Variants in ADAMTSL3 observed in about 807,000 individuals in gnomAD.
ADAMTSL3 encodes ADAMTS like 3, also known as ADAMTS-like protein 3.
ADAMTSL3 carries 128 observed loss-of-function variants against 201.7 expected under a neutral mutation model. The observed-to-expected ratio is 0.63, with a 90% CI of 0.55 to 0.73. The LOEUF (loss-of-function observed/expected upper bound fraction) is 0.73, where lower values mean the gene tolerates loss of function less well. Among genes scored for constraint, ADAMTSL3 ranks in the 30% least tolerant of loss-of-function variants. The pLI, the probability that ADAMTSL3 is intolerant of heterozygous loss-of-function variation, is 0.00. For missense variants in ADAMTSL3, 1,990 were observed against 2,119.6 expected, an observed-to-expected ratio of 0.94 and a Z score of 1.20; for synonymous variants, 738 against 748.4, an observed-to-expected ratio of 0.99 and a Z score of 0.23.
intron 2 of ADAMTSL3, among the ~76,000 whole-genome samples, chr15:83,674,772 T>TACACATATATAC (rs1037094872): frequency 3.1e-5 from 4 of 128,352 alleles, no homozygotes; most frequent in African/African-American, 1.1e-4. Context: ...TATACATATA[T>TACACATATATAC]ATATATATAT....
intron 3 of ADAMTSL3, among the ~76,000 whole-genome samples, chr15:83,770,011 TTAAGG>T (rs952356680): frequency 3.9e-5 from 6 of 152,090 alleles, no homozygotes; most frequent in African/African-American, 1.4e-4. Flanking sequence ...TTGTTTTTAA[TTAAGG>T]TATGATGTGT....
intron 9 of ADAMTSL3, among the ~76,000 whole-genome samples, chr15:83,883,002 A>G (rs2065306307): frequency 6.6e-6 from 1 of 151,908 alleles, no homozygotes; most frequent in South Asian, 2.1e-4. Flanking sequence ...TATTATCTCT[A>G]TTTTTTAAAG....
At chr15:83,896,835 A>G (rs989476673) in intron 13 of ADAMTSL3, among the ~76,000 whole-genome samples, 106 of 152,192 alleles carry the variant, frequency 7.0e-4, no homozygotes, top group Non-Finnish European at 8.8e-5. Flanking sequence ...TCACAGTTCC[A>G]CATGTCTGGG....
chr15:83,711,255 C>G (rs1225532735), intron 3 of ADAMTSL3, among the ~76,000 whole-genome samples: 1 of 152,174 alleles, frequency 6.6e-6, no homozygotes, highest in Admixed American at 6.5e-5. Flanking sequence ...TGTGGTTAAA[C>G]TATTGGCAGC....
At chr15:83,969,600 A>G (rs1376906246) in intron 19 of ADAMTSL3, among the ~76,000 whole-genome samples, 2 of 152,254 alleles carry the variant, frequency 1.3e-5, no homozygotes, top group African/African-American at 2.4e-5. Context: ...CCTAGAGGAC[A>G]TTATGCTAAG....
At chr15:83,669,328 T>C (rs1405550370) in intron 2 of ADAMTSL3, among the ~76,000 whole-genome samples, 1 of 150,976 alleles carries the variant, frequency 6.6e-6, no homozygotes, top group Non-Finnish European at 1.5e-5. Context: ...GTATTTTTAG[T>C]AGAGACGGGG....
intron 7 of ADAMTSL3, among the ~76,000 whole-genome samples, chr15:83,849,018 A>T (rs2064556505): frequency 6.6e-6 from 1 of 152,224 alleles, no homozygotes; most frequent in South Asian, 2.1e-4. Context: ...CAGACAATGA[A>T]TGTGATCAAC....
intron 5 of ADAMTSL3, among the ~76,000 whole-genome samples, chr15:83,809,223 T>C (rs2063654120): frequency 6.6e-6 from 1 of 152,180 alleles, no homozygotes; most frequent in Non-Finnish European, 1.5e-5. Flanking sequence ...AATGTATACA[T>C]GTATTGAAAC....
At chr15:83,658,474 T>C (rs979626205) in intron 2 of ADAMTSL3, among the ~76,000 whole-genome samples, 2 of 152,222 alleles carry the variant, frequency 1.3e-5, no homozygotes, top group African/African-American at 2.4e-5. Flanking sequence ...CCACAAATAA[T>C]TGTGAGAGAT....
chr15:83,827,170 C>T (rs1440577342), intron 6 of ADAMTSL3, among the ~76,000 whole-genome samples: 1 of 152,152 alleles, frequency 6.6e-6, no homozygotes, highest in Non-Finnish European at 1.5e-5. Context: ...TCTCCAGCAC[C>T]TGTTGTTTCC....
chr15:83,777,402 G>T (rs1466162064), intron 4 of ADAMTSL3, among the ~76,000 whole-genome samples: 4 of 152,192 alleles, frequency 2.6e-5, no homozygotes, highest in African/African-American at 9.7e-5. Context: ...TTTGGCCCCT[G>T]CAGTGCAGTG....
At chr15:83,820,269 G>C (rs904345400) in intron 6 of ADAMTSL3, among the ~76,000 whole-genome samples, 4 of 152,092 alleles carry the variant, frequency 2.6e-5, no homozygotes, top group South Asian at 2.1e-4. Context: ...GTATAGATGA[G>C]GTTTCATTAT....
intron 3 of ADAMTSL3, among the ~76,000 whole-genome samples, chr15:83,750,754 G>A (rs1163119036): frequency 6.6e-6 from 1 of 152,150 alleles, no homozygotes; most frequent in Non-Finnish European, 1.5e-5. Context: ...GTTTCACCAT[G>A]TTGGCTAGGA....
At chr15:83,963,876 G>T (rs995333878) in intron 19 of ADAMTSL3, among the ~76,000 whole-genome samples, 1 of 152,212 alleles carries the variant, frequency 6.6e-6, no homozygotes, top group Non-Finnish European at 1.5e-5. Context: ...CAGGCCTGGA[G>T]TGGACATCCA....
At chr15:83,968,709 CAT>C (rs1234426460) in intron 19 of ADAMTSL3, among the ~76,000 whole-genome samples, 5 of 152,322 alleles carry the variant, frequency 3.3e-5, no homozygotes, top group Admixed American at 2.0e-4. Flanking sequence ...CACATGCACA[CAT>C]ATGTTTATTG....
chr15:83,753,354 A>G (rs2062669388), intron 3 of ADAMTSL3, among the ~76,000 whole-genome samples: 1 of 152,208 alleles, frequency 6.6e-6, no homozygotes, highest in South Asian at 2.1e-4. Context: ...AGGGCAGCAC[A>G]ACCCCTGCAG....
At chr15:83,962,411 A>T (rs1364655025) in intron 19 of ADAMTSL3, 1 of 152,184 alleles carries the variant, frequency 6.6e-6, no homozygotes, top group Non-Finnish European at 1.5e-5. Context: ...AAAAATAACT[A>T]TCCAAATCTC....
intron 6 of ADAMTSL3, among the ~76,000 whole-genome samples, chr15:83,829,864 T>C (rs537234978): frequency 1.3e-5 from 2 of 152,354 alleles, no homozygotes; most frequent in African/African-American, 4.8e-5. Context: ...TCTTGAGTTC[T>C]AGTTTGATTG....
chr15:84,015,337 A>G (rs1322499697), intron 24 of ADAMTSL3, among the ~76,000 whole-genome samples: 1 of 152,218 alleles, frequency 6.6e-6, no homozygotes, highest in African/African-American at 2.4e-5. Context: ...CTAAACCAAG[A>G]GGAAAAAACA....
Sources: allele counts gnomAD v4.1 joint callset (sites outside exome capture counted in the v4.1 genomes callset), GRCh38; gene constraint gnomAD v4.1.1; transcripts MANE v1.5; gene names NCBI Gene and HGNC (gene_info 2026-07-23, HGNC 2026-07-21).